AP1B1: variants seen among roughly 807,000 people sequenced by gnomAD.
The protein encoded by AP1B1 is adaptor related protein complex 1 subunit beta 1, also known as AP-1 complex subunit beta-1.
AP1B1 carries 36 observed loss-of-function variants against 104.3 expected under a neutral mutation model. That is an observed-to-expected ratio of 0.35 (90% CI 0.26 to 0.46). The LOEUF (loss-of-function observed/expected upper bound fraction) is 0.46, where lower values mean the gene tolerates loss of function less well. Among genes scored for constraint, AP1B1 ranks in the 20% least tolerant of loss-of-function variants. AP1B1 has a pLI of 1.00. For synonymous variants in AP1B1, 504 were observed against 517.5 expected (o/e 0.97, Z 0.35); for missense variants, 901 against 1,247.9 (o/e 0.72, Z 4.19).
chr22:29,339,139 AAGGG>A lies in AP1B1; in HGVS notation c.2020-10_2020-7del, dbSNP rs779299177. ...ACGAAGTTGGTGCCCCCAATCTGGA[AAGGG>A]AGGGAAAGAGTCAGAGGTGGGCGTC... On this transcript the variant is annotated splice_region_variant and splice_polypyrimidine_tract_variant and intron_variant, in intron 15 of 22. Coordinates refer to ENST00000357586, the MANE Select transcript of AP1B1 (RefSeq NM_001127.4). The A allele has an allele frequency of 3.1e-6, 5 of 1,614,000 alleles. No homozygotes were observed. Among genetic ancestry groups the A allele is most frequent in the Non-Finnish European group, 4.2e-6 (5 of 1,179,934 alleles).
chr22:29,329,160 G>C lies in AP1B1; in HGVS notation c.2776-265C>G, dbSNP rs1012011584. 2.1e-5 allele frequency: 27 copies of C among 1,293,700 alleles called. No individual in the cohort carries two copies. In the African/African-American group the frequency reaches 3.8e-4, roughly 18 times the overall value. The allele number at this position is 1,293,700 out of a possible 1,614,324, so 80.1% of individuals were successfully genotyped here. ...CCTGCTGGCGAGCAGTGTGAGTCAC[G>C]AGCCGGAGGCTGCCAGGGAGTGCCC... is the stretch of plus-strand genomic sequence containing the variant. On this transcript the variant is annotated intron_variant, in intron 22 of 22. Transcript: ENST00000357586.
intron 17 of AP1B1, among the ~76,000 whole-genome samples, chr22:29,332,795 T>C (rs1043097649): frequency 2.0e-5 from 3 of 152,180 alleles, no homozygotes; most frequent in Admixed American, 2.0e-4. Context: ...GGGAGACCAT[T>C]TGGGGAACCC....
At chr22:29,384,925 T>A (rs1176130385) in intron 1 of AP1B1, among the ~76,000 whole-genome samples, 4 of 151,764 alleles carry the variant, frequency 2.6e-5, no homozygotes, top group East Asian at 1.9e-4. Flanking sequence ...CACAACCCAC[T>A]GTGACCCTTG....
chr22:29,383,357 C>G (rs185654847), intron 1 of AP1B1, among the ~76,000 whole-genome samples: 1 of 152,272 alleles, frequency 6.6e-6, no homozygotes, highest in Non-Finnish European at 1.5e-5. Flanking sequence ...AAGTCTATTC[C>G]TCTATGGAAC....
chr22:29,342,420 C>A (rs780416056), intron 11 of AP1B1, 37 bp from the exon 12 acceptor site: 4 of 1,551,890 alleles, frequency 2.6e-6, no homozygotes, highest in Non-Finnish European at 3.6e-6. Context: ...GAAGTGTGGG[C>A]CTCACATGGG....
chr22:29,334,413 G>A lies in AP1B1; in HGVS notation c.2164-3C>T. 6.2e-7 allele frequency: 1 copy of A among 1,600,300 alleles called. No homozygotes were observed. Among genetic ancestry groups the A allele is most frequent in the Non-Finnish European group, 8.5e-7 (1 of 1,175,706 alleles). ...GCCTTCATGGCTGGGAGCCAGACCT[G>A]CAGGGAAGAGGGTGCGGAGGGGGCG... On this transcript the variant is annotated splice_region_variant and splice_polypyrimidine_tract_variant and intron_variant, in intron 16 of 22. Coordinates refer to ENST00000357586, the MANE Select transcript of AP1B1 (RefSeq NM_001127.4).
chr22:29,361,286 G>A (rs1158050271), intron 3 of AP1B1, among the ~76,000 whole-genome samples: 3 of 152,174 alleles, frequency 2.0e-5, no homozygotes, highest in African/African-American at 7.2e-5. Context: ...TTGCTTGGGG[G>A]GCGATCCATG....
intron 5 of AP1B1, among the ~76,000 whole-genome samples, chr22:29,357,247 T>C (rs1220054331): frequency 6.6e-6 from 1 of 151,984 alleles, no homozygotes; most frequent in Non-Finnish European, 1.5e-5. Flanking sequence ...TTTGTATTTT[T>C]AGTAGAGATG....
At chr22:29,369,564 C>T (rs2148027633) in intron 1 of AP1B1, among the ~76,000 whole-genome samples, 1 of 152,340 alleles carries the variant, frequency 6.6e-6, no homozygotes, top group African/African-American at 2.4e-5. Context: ...ACAGTGGGGA[C>T]TCTAAACTTG....
intron 1 of AP1B1, among the ~76,000 whole-genome samples, chr22:29,379,119 C>G (rs1419349870): frequency 6.6e-6 from 1 of 152,122 alleles, no homozygotes; most frequent in Non-Finnish European, 1.5e-5. Context: ...TTTAGGAGAC[C>G]GAGGTGGGCA....
At chr22:29,345,229 T>A (rs1014139837) in intron 11 of AP1B1, among the ~76,000 whole-genome samples, 1 of 148,624 alleles carries the variant, frequency 6.7e-6, no homozygotes, top group African/African-American at 2.5e-5. Context: ...CAGTTCATTT[T>A]TTTTTTTTTA....
chr22:29,329,778 GAA>G, intron 21 of AP1B1, 58 bp from the exon 22 acceptor site: 1 of 1,610,518 alleles, frequency 6.2e-7, no homozygotes, highest in Non-Finnish European at 8.5e-7. Flanking sequence ...CAGGGAGACG[GAA>G]GTTACCACCA....
chr22:29,362,697 T>A (rs1394720480), intron 3 of AP1B1, among the ~76,000 whole-genome samples: 1 of 152,114 alleles, frequency 6.6e-6, no homozygotes. Flanking sequence ...TGGGTCCTCT[T>A]CCCCAGCCAG....
intron 1 of AP1B1, among the ~76,000 whole-genome samples, chr22:29,387,304 TC>T (rs751122766): frequency 6.8e-6 from 1 of 147,084 alleles, no homozygotes; most frequent in Non-Finnish European, 1.5e-5. Flanking sequence ...CAGCTAAAAA[TC>T]TTTTTTTTTT....
intron 16 of AP1B1, among the ~76,000 whole-genome samples, chr22:29,337,410 C>T (rs915492523): frequency 1.3e-5 from 2 of 152,190 alleles, no homozygotes; most frequent in African/African-American, 4.8e-5. Flanking sequence ...CCAGACCCTG[C>T]CAGGGGCTCC....
chr22:29,377,088 C>A (rs948240228), intron 1 of AP1B1, among the ~76,000 whole-genome samples: 1 of 148,120 alleles, frequency 6.8e-6, no homozygotes, highest in African/African-American at 2.5e-5. Flanking sequence ...CCCAGCTACT[C>A]GGGAGGCTGA....
intron 1 of AP1B1, among the ~76,000 whole-genome samples, chr22:29,385,887 A>G (rs1223378207): frequency 6.6e-6 from 1 of 152,198 alleles, no homozygotes; most frequent in Non-Finnish European, 1.5e-5. Context: ...GACATGCAAG[A>G]GTTTCAGAGG....
intron 4 of AP1B1, 39 bp downstream of exon 4, chr22:29,359,785 A>G (rs914400978): frequency 1.3e-6 from 2 of 1,589,392 alleles, no homozygotes; most frequent in South Asian, 1.2e-5. Flanking sequence ...CAGAGCCTTA[A>G]GCACCCAATG....
chr22:29,346,701 C>T (rs2061798029), intron 11 of AP1B1, among the ~76,000 whole-genome samples: 1 of 151,948 alleles, frequency 6.6e-6, no homozygotes, highest in South Asian at 2.1e-4. Context: ...GACTTGACTG[C>T]AGGAGCAGAA....
Sources: gnomAD v4.1 joint callset for allele counts (sites outside exome capture counted in the v4.1 genomes callset) on GRCh38, gnomAD v4.1.1 for gene constraint, MANE v1.5 for transcripts, NCBI Gene and HGNC (gene_info 2026-07-23, HGNC 2026-07-21) for gene names.